NRL: variants seen among roughly 807,000 people sequenced by gnomAD.
The protein encoded by NRL is neural retina leucine zipper, also known as neural retina-specific leucine zipper protein.
A neutral mutation model predicts 12.5 loss-of-function variants in NRL; 16 were observed. The ratio of observed to expected loss-of-function variants is 1.28; its 90% CI spans 0.87 to 1.95. The LOEUF is 1.95. Among genes scored for constraint, NRL ranks in the 30% most tolerant of loss-of-function variants. The probability of loss-of-function intolerance (pLI) is 0.00; values close to 1 mark genes in which losing one functional copy is unlikely to be tolerated. For synonymous variants in NRL, 142 were observed against 150.9 expected, an observed-to-expected ratio of 0.94 and a Z score of 0.43; for missense variants, 314 against 325.8, an observed-to-expected ratio of 0.96 and a Z score of 0.28.
rs748383162 is a variant in NRL at position 24,103,208 on chromosome 14, T to C, written c.-28+11514A>G. ...TTCAACTGGCGTCATGGGGTGTTTG[T>C]GGGCAGCGCCATGCGCTCTGAGTCC... On this transcript the variant is annotated intron_variant, in intron 1 of 2. Transcript: ENST00000561028. 5.0e-6 allele frequency: 8 copies of C among 1,614,142 alleles called. No homozygotes were observed. The highest frequency in any genetic ancestry group is 6.8e-6 in the Non-Finnish European group (8 of 1,179,980).
chr14:24,098,491 G>A, intron 1 of NRL: 2 of 1,614,088 alleles, frequency 1.2e-6, no homozygotes, highest in Non-Finnish European at 1.7e-6. Flanking sequence ...CCATGTATGT[G>A]CTTCCATTCA....
Position 24,094,125 on chromosome 14 carries a change from G to A in NRL, c.-27-11250C>T. 1 of 545,534 alleles carries A rather than the reference G, an allele frequency of 1.8e-6. No homozygotes were observed. Among genetic ancestry groups the A allele is most frequent in the East Asian group, 3.5e-5 (1 of 28,834 alleles). 33.8% of individuals were successfully genotyped at this position (545,534 alleles called of 1,614,324 possible). On this transcript the variant is annotated intron_variant, in intron 1 of 2. Transcript: ENST00000561028. This position sits in a 1 kb window ranked among gnomAD's most constrained non-coding sequence, Gnocchi z 4.1. ...AAGAGTGGACCCAGTCCTCCAATGG[G>A]AGAGATGGGTTTGGCGGTTTGGAGG...
chr14:24,114,015 T>C (rs2037474426), intron 1 of NRL, among the ~76,000 whole-genome samples: 1 of 152,114 alleles, frequency 6.6e-6, no homozygotes. Flanking sequence ...GGACTCAGGC[T>C]TGTTACTCAT....
intron 1 of NRL, among the ~76,000 whole-genome samples, chr14:24,110,901 G>C (rs2037408487): frequency 6.6e-6 from 1 of 152,188 alleles, no homozygotes; most frequent in South Asian, 2.1e-4. Context: ...TTGCTTAGCA[G>C]AAATATCAAA....
intron 1 of NRL, among the ~76,000 whole-genome samples, chr14:24,111,442 C>T (rs1161441651): frequency 6.6e-6 from 1 of 152,068 alleles, no homozygotes; most frequent in Non-Finnish European, 1.5e-5. Flanking sequence ...GGCGTGATCT[C>T]GGCTCAATGC....
chr14:24,099,290 C>A, intron 1 of NRL: 1 of 1,513,250 alleles, frequency 6.6e-7, no homozygotes, highest in Non-Finnish European at 9.0e-7. Context: ...AGGGGTGGGG[C>A]CTGGCCAGTC....
chr14:24,083,479 A>G (rs1172679521), intron 1 of NRL, among the ~76,000 whole-genome samples: 4 of 152,210 alleles, frequency 2.6e-5, no homozygotes, highest in African/African-American at 9.6e-5. Flanking sequence ...TGGAAAAAAG[A>G]AAGGTCCTAG....
Position 24,110,290 on chromosome 14 carries a change from G to A in NRL, c.-28+4432C>T, listed in dbSNP as rs185483624. 510 of 332,460 alleles carry A rather than the reference G, an allele frequency of 1.5e-3. 2 individuals carry two copies. Among genetic ancestry groups the A allele is most frequent in the African/African-American group, 7.4e-3 (337 of 45,614 alleles). The allele number at this position is 332,460 out of a possible 1,614,324, so 20.6% of individuals were successfully genotyped here. On this transcript the variant is annotated intron_variant, in intron 1 of 2. Coordinates refer to ENST00000561028, the MANE Select transcript of NRL (RefSeq NM_001354768.3). ...GCTCAATTTTGTTTTTGTATTTTTCGTAGAGATGGGGTTTCGTCACATTGC... is the reference window on the plus strand; with the variant it reads ...GCTCAATTTTGTTTTTGTATTTTTCATAGAGATGGGGTTTCGTCACATTGC...
At chr14:24,113,497 T>A (rs900533258) in intron 1 of NRL, among the ~76,000 whole-genome samples, 3 of 152,034 alleles carry the variant, frequency 2.0e-5, no homozygotes, top group Non-Finnish European at 4.4e-5. Flanking sequence ...AAAGTCTCAA[T>A]AAACGTTAAA....
chr14:24,095,068 G>A, intron 1 of NRL: 4 of 455,728 alleles, frequency 8.8e-6, no homozygotes, highest in South Asian at 4.6e-5. Flanking sequence ...TCCAGGCCTG[G>A]AGCCCCCAGG....
At chr14:24,103,647 C>T (rs763930692) in intron 1 of NRL, 100 of 1,614,006 alleles carry the variant, frequency 6.2e-5, no homozygotes, top group East Asian at 5.8e-4. Context: ...CAACTGGTTC[C>T]GGCGTGACGA....
At chr14:24,100,073 C>A (rs1183338526) in intron 1 of NRL, 1 of 1,612,938 alleles carries the variant, frequency 6.2e-7, no homozygotes. Context: ...AATCCCAACG[C>A]CATGGCTACA....
chr14:24,107,925 T>C (rs971496), intron 1 of NRL, among the ~76,000 whole-genome samples: 22,426 of 152,250 alleles, frequency 0.15, 2,583 homozygotes, highest in African/African-American at 0.32. Context: ...TATTATCCTT[T>C]GAAAAGGTAA....
intron 1 of NRL, chr14:24,098,640 A>G (rs1382977072): frequency 6.2e-7 from 1 of 1,613,900 alleles, no homozygotes; most frequent in African/African-American, 1.3e-5. Flanking sequence ...GACTTTGTCA[A>G]GTGTCTGCAC....
rs2037073809 is a variant in NRL, at chr14:24,099,656, A to G, written c.-28+15066T>C. ...CCAACCTGGCTATGATGCGGCCTGC[A>G]CTGCCAGGCTGGAAAGTGGAGTGTG... On this transcript the variant is annotated intron_variant, in intron 1 of 2. Coordinates refer to ENST00000561028, the MANE Select transcript of NRL (RefSeq NM_001354768.3). 4 of 1,613,694 alleles carry G rather than the reference A, an allele frequency of 2.5e-6. No individual in the cohort carries two copies. The East Asian group carries it at 8.9e-5, about 36-fold the overall frequency.
At chr14:24,100,330 T>C in intron 1 of NRL, 2 of 1,504,952 alleles carry the variant, frequency 1.3e-6, no homozygotes, top group South Asian at 1.4e-5. Context: ...ACAGAAGTCA[T>C]GAACGTTTGC....
chr14:24,111,235 T>C lies in NRL; in HGVS notation c.-28+3487A>G, dbSNP rs115454498. ...CCACAAATGATCCTCCTCCTCGGCCTCCCACAGTGCTGGAATTACAGTCGT... is the reference window on the plus strand; with the variant it reads ...CCACAAATGATCCTCCTCCTCGGCCCCCCACAGTGCTGGAATTACAGTCGT... On this transcript the variant is annotated intron_variant, in intron 1 of 2. Transcript: ENST00000561028. Among the ~76,000 whole-genome samples the C allele has an allele frequency of 9.0e-3, 1,364 of 152,304 alleles. 18 individuals are homozygous for C. The highest frequency in any genetic ancestry group is 0.031 in the African/African-American group (1,275 of 41,570).
intron 1 of NRL, chr14:24,098,823 G>A (rs1384515948): frequency 7.9e-6 from 6 of 762,476 alleles, no homozygotes; most frequent in Non-Finnish European, 1.3e-5. Context: ...TCCCAGCAGA[G>A]GGATAAGGCT....
intron 1 of NRL, among the ~76,000 whole-genome samples, chr14:24,108,532 A>G (rs1016839837): frequency 1.5e-4 from 23 of 149,604 alleles, no homozygotes; most frequent in African/African-American, 5.2e-4. Context: ...GGGTCTCACT[A>G]TGTTGCCCAG....
Sources: gnomAD v4.1 joint callset for allele counts (sites outside exome capture counted in the v4.1 genomes callset) on GRCh38, gnomAD v4.1.1 for gene constraint, Gnocchi (gnomAD v3.1) non-coding constraint, MANE v1.5 for transcripts, NCBI Gene and HGNC (gene_info 2026-07-23, HGNC 2026-07-21) for gene names.